The following FMNL2 variants were observed in gnomAD, a reference collection of about 807,000 sequenced individuals.
FMNL2 encodes formin like 2.
Under a neutral mutation model 130.2 loss-of-function variants are expected in FMNL2, and 51 were observed. That is an observed-to-expected ratio of 0.39 (90% confidence interval 0.31 to 0.49). The LOEUF (loss-of-function observed/expected upper bound fraction) is 0.49, where lower values mean the gene tolerates loss of function less well. Among genes scored for constraint, FMNL2 ranks in the 20% least tolerant of loss-of-function variants. The pLI is 0.85. For synonymous variants in FMNL2, 465 were observed against 467.1 expected, an observed-to-expected ratio of 1.00 and a Z score of 0.06; for missense variants, 977 against 1,316.2, an observed-to-expected ratio of 0.74 and a Z score of 3.99.
At chr2:152,337,296 C>G (rs907182477) in intron 1 of FMNL2, among the ~76,000 whole-genome samples, 1 of 152,142 alleles carries the variant, frequency 6.6e-6, no homozygotes, top group Non-Finnish European at 1.5e-5. Flanking sequence ...CTTCAAAACC[C>G]TCTTCCTACT....
At chr2:152,527,178 A>G (rs1251055697) in intron 2 of FMNL2, among the ~76,000 whole-genome samples, 2 of 152,216 alleles carry the variant, frequency 1.3e-5, no homozygotes, top group Admixed American at 1.3e-4. Context: ...CCTGTTAACT[A>G]GAAGTTAGAC....
chr2:152,633,899 C>T (rs2105942294), intron 21 of FMNL2, among the ~76,000 whole-genome samples: 1 of 152,302 alleles, frequency 6.6e-6, no homozygotes, highest in East Asian at 1.9e-4. Context: ...CTCTGGTGCC[C>T]AGGTTGCCCA....
At chr2:152,336,132 C>G (rs1297539400) in intron 1 of FMNL2, among the ~76,000 whole-genome samples, 3 of 151,474 alleles carry the variant, frequency 2.0e-5, no homozygotes, top group Non-Finnish European at 4.4e-5. Context: ...CACCCTGAGC[C>G]CCTGCGGACC....
intron 25 of FMNL2, 27 bp from the exon 26 acceptor site, chr2:152,647,767 TTC>T (rs780845789): frequency 1.2e-6 from 2 of 1,606,322 alleles, no homozygotes; most frequent in South Asian, 2.2e-5. Context: ...AAGGTTGCTA[TTC>T]TCTCACTGGC....
chr2:152,352,068 C>T (rs1025266001), intron 1 of FMNL2, among the ~76,000 whole-genome samples: 4 of 152,168 alleles, frequency 2.6e-5, no homozygotes, highest in African/African-American at 7.2e-5. Context: ...ACTCTCAGAC[C>T]TCTAGCAGTG....
intron 13 of FMNL2, among the ~76,000 whole-genome samples, chr2:152,618,313 C>A (rs1244879483): frequency 6.6e-6 from 1 of 152,210 alleles, no homozygotes; most frequent in Admixed American, 6.5e-5. Context: ...TGAGCTTGGT[C>A]AAGGGGGCGT....
chr2:152,358,313 G>A (rs1682957751), intron 1 of FMNL2, among the ~76,000 whole-genome samples: 1 of 152,126 alleles, frequency 6.6e-6, no homozygotes, highest in African/African-American at 2.4e-5. Flanking sequence ...TCAGTTTGCA[G>A]ATGGCCTATT....
At chr2:152,564,506 G>C (rs1695706594) in intron 6 of FMNL2, among the ~76,000 whole-genome samples, 1 of 152,146 alleles carries the variant, frequency 6.6e-6, no homozygotes, top group African/African-American at 2.4e-5. Flanking sequence ...AGGATCACTT[G>C]AAGTCAGGAG....
At chr2:152,565,460 G>T (rs1418861974) in intron 6 of FMNL2, among the ~76,000 whole-genome samples, 1 of 152,116 alleles carries the variant, frequency 6.6e-6, no homozygotes, top group Non-Finnish European at 1.5e-5. Flanking sequence ...TGATGGAGGT[G>T]GAGAGCTGTC....
intron 1 of FMNL2, among the ~76,000 whole-genome samples, chr2:152,370,163 A>C (rs535371773): frequency 6.6e-6 from 1 of 152,218 alleles, no homozygotes; most frequent in East Asian, 1.9e-4. Flanking sequence ...TTGAACAACA[A>C]ACTTTGATTT....
At chr2:152,382,231 C>T (rs1008950462) in intron 1 of FMNL2, among the ~76,000 whole-genome samples, 15 of 152,182 alleles carry the variant, frequency 9.9e-5, no homozygotes, top group African/African-American at 3.6e-4. Context: ...CCAACTCACT[C>T]GTAGATTGTG....
At chr2:152,526,177 G>C (rs1448663470) in intron 2 of FMNL2, among the ~76,000 whole-genome samples, 1 of 152,116 alleles carries the variant, frequency 6.6e-6, no homozygotes, top group South Asian at 2.1e-4. Flanking sequence ...TGATAAATTA[G>C]TTCCTGTGGG....
chr2:152,415,131 T>C (rs116690680), intron 1 of FMNL2, among the ~76,000 whole-genome samples: 1,981 of 152,034 alleles, frequency 0.013, 18 homozygotes, highest in Non-Finnish European at 0.021. Context: ...GTGTGAATCT[T>C]CTTCCCTTTG....
At chr2:152,609,188 T>C (rs1254038717) in intron 10 of FMNL2, among the ~76,000 whole-genome samples, 1 of 152,240 alleles carries the variant, frequency 6.6e-6, no homozygotes, top group Admixed American at 6.5e-5. Flanking sequence ...GTTCGTTTAT[T>C]CACATATACA....
chr2:152,522,111 A>T, intron 2 of FMNL2, 85 bp downstream of exon 2: 3 of 1,098,078 alleles, frequency 2.7e-6, no homozygotes, highest in Non-Finnish European at 4.0e-6. Context: ...CAATATCATG[A>T]TTGAAAAACA....
chr2:152,454,276 CAAAT>C (rs1327310470), intron 1 of FMNL2, among the ~76,000 whole-genome samples: 3 of 151,740 alleles, frequency 2.0e-5, no homozygotes, highest in African/African-American at 7.3e-5. Context: ...GACTCTGTCT[CAAAT>C]AAAGAAAAAA....
At chr2:152,586,862 AT>A (rs960267864) in intron 9 of FMNL2, among the ~76,000 whole-genome samples, 1 of 151,986 alleles carries the variant, frequency 6.6e-6, no homozygotes, top group African/African-American at 2.4e-5. Context: ...CCCACACTTC[AT>A]TTTTTTAGGC....
intron 1 of FMNL2, among the ~76,000 whole-genome samples, chr2:152,414,987 T>C (rs930527381): frequency 2.0e-5 from 3 of 152,036 alleles, no homozygotes; most frequent in Non-Finnish European, 4.4e-5. Flanking sequence ...TGTGGGAAGG[T>C]CCCTGAGTTC....
chr2:152,391,508 G>C (rs1037323633), intron 1 of FMNL2, among the ~76,000 whole-genome samples: 1 of 152,030 alleles, frequency 6.6e-6, no homozygotes, highest in African/African-American at 2.4e-5. Flanking sequence ...TTGGGATGGA[G>C]AAAGGAAGGG....
Sources: gnomAD v4.1 joint callset for allele counts (sites outside exome capture counted in the v4.1 genomes callset) on GRCh38, gnomAD v4.1.1 for gene constraint, MANE v1.5 for transcripts, NCBI Gene and HGNC (gene_info 2026-07-23, HGNC 2026-07-21) for gene names.